TXLNG: variants seen among roughly 807,000 people sequenced by gnomAD.
TXLNG encodes the protein taxilin gamma, also known as gamma-taxilin.
In TXLNG, 5 loss-of-function variants were observed where a neutral mutation model predicts 38.8. That is an observed-to-expected ratio of 0.13 (90% CI 0.07 to 0.27). The LOEUF (loss-of-function observed/expected upper bound fraction) is 0.27, where lower values mean the gene tolerates loss of function less well. Ranked by LOEUF, TXLNG falls within the 10% of genes least tolerant of loss-of-function variation. The probability of loss-of-function intolerance (pLI) is 1.00; values close to 1 mark genes in which losing one functional copy is unlikely to be tolerated. For missense variants in TXLNG, 393 were observed against 398.2 expected, an observed-to-expected ratio of 0.99 and a Z score of 0.11; for synonymous variants, 182 against 158.2, an observed-to-expected ratio of 1.15 and a Z score of -1.13.
chrX:16,805,123 G>A (rs926802672), intron 1 of TXLNG, among the ~76,000 whole-genome samples: 1 of 105,597 alleles, frequency 9.5e-6, no homozygotes, highest in Non-Finnish European at 1.9e-5. Context: ...AGCTGGGACC[G>A]CAGATGTGTG....
chrX:16,793,757 C>T (rs1927782823), intron 1 of TXLNG, among the ~76,000 whole-genome samples: 1 of 109,485 alleles, frequency 9.1e-6, no homozygotes, highest in South Asian at 4.0e-4. Flanking sequence ...GATCTTCCTG[C>T]CTCAGCCTTC....
Position 16,829,599 on chromosome X carries a change from A to G in TXLNG, c.693A>G (p.Arg231=). 3 of 1,211,493 alleles carry G rather than the reference A, an allele frequency of 2.5e-6. No homozygotes were observed. Among genetic ancestry groups the G allele is most frequent in the Non-Finnish European group, 3.4e-6 (3 of 895,355 alleles). ...AGGAGGAAAATATGCAGCAGGCACG[A>G]GAGGAAGAAGAACGACGTAAAGAAG... The part of the protein sequence containing the change: ...TLKEENMQQA[R]EEEERRKEAT... Residue 231 remains arginine, a synonymous_variant, in exon 5 of 10, where the codon CGA becomes CGG. Coordinates refer to ENST00000380122, the MANE Select transcript of TXLNG (RefSeq NM_018360.3).
rs1300952155 is a variant in TXLNG, at chrX:16,841,724, C to T, written c.1545C>T (p.Pro515=). The T allele has an allele frequency of 3.3e-6, 4 of 1,211,640 alleles. No individual in the cohort carries two copies. Among genetic ancestry groups the T allele is most frequent in the East Asian group, 5.9e-5 (2 of 33,855 alleles). Residue 515 remains proline, a synonymous_variant, in exon 10 of 10, where the codon CCC becomes CCT. Transcript: ENST00000380122. ...PKSQRSAVQK[P]PSTGSAPAIE... ...GTCAGAGAAGCGCTGTGCAAAAGCC[C>T]CCGTCCACAGGCTCTGCTCCGGCCA...
At chrX:16,792,196 G>A (rs1338541434) in intron 1 of TXLNG, among the ~76,000 whole-genome samples, 1 of 111,832 alleles carries the variant, frequency 8.9e-6, no homozygotes, top group African/African-American at 3.2e-5. Context: ...GGTATCCCCA[G>A]GTATATAGAT....
In TXLNG at chrX:16,841,962, T is replaced by C. The variant is rs1428725830; in HGVS notation, c.*196T>C. 6.8e-6 allele frequency: 3 copies of C among 444,238 alleles called. No homozygotes were observed. The East Asian group carries it at 1.1e-4, about 17-fold the overall frequency. The allele number at this position is 444,238 out of a possible 1,213,427, so 36.6% of individuals were successfully genotyped here. On this transcript the variant is annotated 3_prime_UTR_variant, in exon 10 of 10. Coordinates refer to ENST00000380122, the MANE Select transcript of TXLNG (RefSeq NM_018360.3). ...GTTTAATCTATAAATTTTCCTCAGC[T>C]GTGTTGCACATCAGCCTCGTTCTCC...
At position 16,786,508 on chromosome X, in the gene TXLNG, G is replaced by C. The variant is rs775407320; in HGVS notation, c.21G>C (p.Glu7Asp). 1.3e-5 allele frequency: 15 copies of C among 1,111,524 alleles called. No homozygotes were observed. The East Asian group carries it at 5.0e-4, about 37-fold the overall frequency. 91.6% of individuals were successfully genotyped at this position (1,111,524 alleles called of 1,213,427 possible). The change falls in exon 1 of 10, where the codon GAG (glutamate) becomes GAC (aspartate). Residue 7 changes from glutamate to aspartate, a missense_variant. Transcript: ENST00000380122. MATRVE[E>D]AARGRGGGAE... is the part of the protein sequence containing the mutation. The stretch of plus-strand genomic sequence containing the variant: ...ACCTCATGGCGACGCGGGTAGAGGA[G>C]GCAGCGCGGGGAAGAGGCGGCGGCG...
At chrX:16,796,649 G>T (rs1927898313) in intron 1 of TXLNG, among the ~76,000 whole-genome samples, 1 of 111,622 alleles carries the variant, frequency 9.0e-6, no homozygotes, top group Non-Finnish European at 1.9e-5. Context: ...GGGGAAAGAT[G>T]CCTATTTGTT....
At chrX:16,801,950 C>CTTTTTTT (rs56071399) in intron 1 of TXLNG, among the ~76,000 whole-genome samples, 27 of 45,179 alleles carry the variant, frequency 6.0e-4, no homozygotes, top group East Asian at 1.3e-3. Flanking sequence ...TTCTTTCTTT[C>CTTTTTTT]TTTTTTTTTT....
At position 16,815,326 on chromosome X, in the gene TXLNG, C is replaced by G. The variant is rs187130804; in HGVS notation, c.103-3248C>G. ...GAGTAGCTGGGATTACAGGAATGCA[C>G]CACCACGCCCAGTTAAATTTGTATT... On this transcript the variant is annotated intron_variant, in intron 1 of 9. Transcript: ENST00000380122. Among the ~76,000 whole-genome samples, 5 of 109,219 alleles carry G rather than the reference C, an allele frequency of 4.6e-5. No individual in the cohort carries two copies. In the East Asian group the frequency reaches 1.4e-3, roughly 32 times the overall value. 94.8% of individuals were successfully genotyped at this position (109,219 alleles called of 115,157 possible). A position where few individuals can be genotyped will look rare whatever the true frequency, so the allele number is the denominator to read the frequency against.
chrX:16,788,596 A>G (rs1179511752), intron 1 of TXLNG, among the ~76,000 whole-genome samples: 1 of 110,716 alleles, frequency 9.0e-6, no homozygotes, highest in Non-Finnish European at 1.9e-5. Flanking sequence ...TAGTCAGGAG[A>G]CTGAAGCAGG....
chrX:16,801,545 T>C (rs982533083), intron 1 of TXLNG, among the ~76,000 whole-genome samples: 6 of 111,735 alleles, frequency 5.4e-5, no homozygotes, highest in African/African-American at 2.0e-4. Context: ...TCCATTACGC[T>C]TACCTGAAGT....
At chrX:16,820,709 A>T (rs1928906477) in intron 3 of TXLNG, among the ~76,000 whole-genome samples, 1 of 112,800 alleles carries the variant, frequency 8.9e-6, no homozygotes, top group Non-Finnish European at 1.9e-5. Flanking sequence ...TGTGTCAAGC[A>T]TCCTTTTTTC....
chrX:16,806,635 T>C (rs1443136786), intron 1 of TXLNG, among the ~76,000 whole-genome samples: 7 of 108,257 alleles, frequency 6.5e-5, no homozygotes, highest in Non-Finnish European at 1.1e-4. Context: ...ATACAAAAAT[T>C]GGCCGGGCGC....
At chrX:16,829,450 G>T in intron 4 of TXLNG, 126 bp from the exon 5 acceptor site, 1 of 623,560 alleles carries the variant, frequency 1.6e-6, no homozygotes, top group Non-Finnish European at 2.4e-6. Flanking sequence ...AAATAAGGGG[G>T]AGGAATTGTA....
At chrX:16,792,499 G>C (rs1295879485) in intron 1 of TXLNG, among the ~76,000 whole-genome samples, 2 of 111,156 alleles carry the variant, frequency 1.8e-5, no homozygotes, top group African/African-American at 3.3e-5. Flanking sequence ...ATAAAGTATG[G>C]GCCAGGCATG....
Position 16,829,562 on chromosome X carries a change from T to C in TXLNG, c.670-14T>C, listed in dbSNP as rs1300294548. The C allele has an allele frequency of 1.7e-6, 2 of 1,204,589 alleles. No individual in the cohort carries two copies. Among genetic ancestry groups the C allele is most frequent in the South Asian group, 3.6e-5 (2 of 56,096 alleles). ...AGGTCTGTATTATTAACAAAAATTATTTTGGGTAATAAGGAGGAAAATATG... is the reference window on the plus strand; with the variant it reads ...AGGTCTGTATTATTAACAAAAATTACTTTGGGTAATAAGGAGGAAAATATG... On this transcript the variant is annotated splice_polypyrimidine_tract_variant and intron_variant, in intron 4 of 9. Coordinates refer to ENST00000380122, the MANE Select transcript of TXLNG (RefSeq NM_018360.3).
intron 1 of TXLNG, among the ~76,000 whole-genome samples, chrX:16,796,428 TTA>T (rs1927891961): frequency 8.9e-6 from 1 of 111,987 alleles, no homozygotes; most frequent in African/African-American, 3.2e-5. Flanking sequence ...GACATCGTAC[TTA>T]AATTACCTTA....
chrX:16,808,877 A>G (rs1245145955), intron 1 of TXLNG, among the ~76,000 whole-genome samples: 2 of 111,985 alleles, frequency 1.8e-5, no homozygotes, highest in African/African-American at 3.2e-5. Context: ...ATGCACTGGT[A>G]TATGTGTAGG....
chrX:16,801,218 C>G (rs1928076026), intron 1 of TXLNG, among the ~76,000 whole-genome samples: 1 of 111,594 alleles, frequency 9.0e-6, no homozygotes, highest in African/African-American at 3.3e-5. Context: ...CAGAGTCTCA[C>G]TCTGTCTCCC....
Sources: gnomAD v4.1 joint callset for allele counts (sites outside exome capture counted in the v4.1 genomes callset) on GRCh38, gnomAD v4.1.1 for gene constraint, MANE v1.5 for transcripts, NCBI Gene and HGNC (gene_info 2026-07-23, HGNC 2026-07-21) for gene names.